ATAD3C: variants seen among roughly 807,000 people sequenced by gnomAD.
ATAD3C encodes the protein ATPase family AAA domain containing 3C.
In ATAD3C, 38 loss-of-function variants were observed where a neutral mutation model predicts 46.3. The observed-to-expected ratio is 0.82, with a 90% confidence interval of 0.63 to 1.08. The LOEUF (loss-of-function observed/expected upper bound fraction) is 1.08. Ranked by LOEUF, ATAD3C falls within the 50% of genes least tolerant of loss-of-function variation. The pLI is 0.00. For synonymous variants in ATAD3C, 220 were observed against 236.4 expected, an observed-to-expected ratio of 0.93 and a Z score of 0.63; for missense variants, 563 against 572.7, an observed-to-expected ratio of 0.98 and a Z score of 0.17.
intron 11 of ATAD3C, among the ~76,000 whole-genome samples, chr1:1,467,612 C>T (rs1474559397): frequency 6.6e-6 from 1 of 152,050 alleles, no homozygotes; most frequent in Non-Finnish European, 1.5e-5. Flanking sequence ...GGAGGCATAG[C>T]TGGGATGGGG....
Position 1,469,041 on chromosome 1 carries a change from C to T in ATAD3C, c.*511C>T, listed in dbSNP as rs1192501026. ...CTCAGCGAGGCCAAGGAGAGTGGATCACCTGAGGTCGGGAGTTCCAGACCA... is the reference window on the plus strand; with the variant it reads ...CTCAGCGAGGCCAAGGAGAGTGGATTACCTGAGGTCGGGAGTTCCAGACCA... On this transcript the variant is annotated 3_prime_UTR_variant, in exon 12 of 12. Transcript: ENST00000378785. The T allele has an allele frequency of 3.0e-5, 4 of 131,864 alleles. No homozygotes were observed. The highest frequency in any genetic ancestry group is 1.1e-4 in the African/African-American group (4 of 35,080). The allele number at this position is 131,864 out of a possible 1,614,324, so 8.2% of individuals were successfully genotyped here.
rs139906185 is a variant in ATAD3C, at chr1:1,466,094, T to G, written c.1090-2290T>G. On this transcript the variant is annotated intron_variant, in intron 11 of 11. Coordinates refer to ENST00000378785, the MANE Select transcript of ATAD3C (RefSeq NM_001039211.3). ...CCCGACTCTACTAAAAATACAAAATTAGTTGGGCGTGGTGGTGCATACCCA... is the reference window on the plus strand; with the variant it reads ...CCCGACTCTACTAAAAATACAAAATGAGTTGGGCGTGGTGGTGCATACCCA... 2.5e-3 allele frequency among the ~76,000 whole-genome samples: 374 copies of G among 151,284 alleles called. 4 individuals are homozygous for G. Among genetic ancestry groups the G allele is most frequent in the African/African-American group, 8.6e-3 (355 of 41,156 alleles).
chr1:1,465,917 G>A (rs1639135889), intron 11 of ATAD3C, among the ~76,000 whole-genome samples: 1 of 151,936 alleles, frequency 6.6e-6, no homozygotes, highest in African/African-American at 2.4e-5. Context: ...CACTGAGTAT[G>A]TCACCTGTGG....
At chr1:1,454,583 C>T in intron 4 of ATAD3C, 83 bp downstream of exon 4, 3 of 1,499,712 alleles carry the variant, frequency 2.0e-6, no homozygotes, top group Non-Finnish European at 2.7e-6. Context: ...CACGCATATA[C>T]TCCTGTCCCT....
At chr1:1,455,563 C>T (rs776152139) in intron 5 of ATAD3C, 44 bp downstream of exon 5, 2 of 1,611,192 alleles carry the variant, frequency 1.2e-6, no homozygotes, top group South Asian at 1.1e-5. Context: ...GGGAGGGGAC[C>T]CCGGAGCTGG....
At position 1,450,340 on chromosome 1, in the gene ATAD3C, AAG is replaced by A; in HGVS notation, c.-343_-342del. 2 of 230,062 alleles carry A rather than the reference AAG, an allele frequency of 8.7e-6. No homozygotes were observed. Among genetic ancestry groups the A allele is most frequent in the Admixed American group, 5.3e-5 (1 of 18,866 alleles). The allele number at this position is 230,062 out of a possible 1,614,324, so 14.3% of individuals were successfully genotyped here. On this transcript the variant is annotated 5_prime_UTR_variant, in exon 1 of 12. An upstream open reading frame in the 5' UTR loses its in-frame stop. Coordinates refer to ENST00000378785, the MANE Select transcript of ATAD3C (RefSeq NM_001039211.3). ...TCCGTCTCAAAAAAAAAAAAAAAAA[AAG>A]CATGTGTAACGTGAAAAAATGGACA...
chr1:1,457,081 T>C, intron 7 of ATAD3C, 48 bp from the exon 8 acceptor site: 1 of 1,611,010 alleles, frequency 6.2e-7, no homozygotes, highest in Non-Finnish European at 8.5e-7. Flanking sequence ...CGCTGTGGGC[T>C]GCTCCTGGCA....
intron 10 of ATAD3C, among the ~76,000 whole-genome samples, chr1:1,461,158 G>T (rs1041046392): frequency 1.3e-5 from 2 of 151,876 alleles, no homozygotes; most frequent in African/African-American, 4.8e-5. Context: ...TTCTGGTTTG[G>T]AGGCACAGTC....
intron 5 of ATAD3C, 65 bp downstream of exon 5, chr1:1,455,584 G>T: frequency 6.2e-7 from 1 of 1,606,526 alleles, no homozygotes; most frequent in Non-Finnish European, 8.5e-7. Flanking sequence ...GCTGGGCTGT[G>T]GCCCTTGCTG....
In ATAD3C at chr1:1,462,626, A is replaced by G; in HGVS notation, c.1007A>G (p.Tyr336Cys). ...KRRLKLAQFD[Y>C]GRKCLEIARL... ...CGTCTGAAGCTGGCCCAGTTTGACT[A>G]CGGGAGGAAGTGCTTAGAGATCGCT... Residue 336 changes from tyrosine (Y) to cysteine (C), a missense_variant, in exon 11 of 12, where the codon TAC becomes TGC. Physicochemically the swap from Tyr to Cys is radical, Grantham distance 194. Transcript: ENST00000378785. This position sits in a 1 kb window ranked among gnomAD's most constrained non-coding sequence, Gnocchi z 4.5. 1 of 1,604,024 alleles carries G rather than the reference A, an allele frequency of 6.2e-7. No homozygotes were observed. Among genetic ancestry groups the G allele is most frequent in the Non-Finnish European group, 8.5e-7 (1 of 1,175,874 alleles).
Position 1,457,129 on chromosome 1 carries a change from C to A in ATAD3C, c.690C>A (p.Gly230=). ...LFDWANTSRR[G]LLLFVDEADA... ...AGCTTGGCCTCCCTCTCGTCCACAG[C>A]CTCCTGCTCTTTGTGGATGAAGCGG... Residue 230 remains glycine (G), a splice_region_variant and synonymous_variant, in exon 8 of 12, where the codon GGC becomes GGA. Coordinates refer to ENST00000378785, the MANE Select transcript of ATAD3C (RefSeq NM_001039211.3). 6.2e-7 allele frequency: 1 copy of A among 1,613,548 alleles called. No homozygotes were observed. The highest frequency in any genetic ancestry group is 8.5e-7 in the Non-Finnish European group (1 of 1,179,638).
intron 9 of ATAD3C, 88 bp from the exon 10 acceptor site, chr1:1,460,662 C>A: frequency 7.0e-7 from 1 of 1,438,268 alleles, no homozygotes; most frequent in South Asian, 1.5e-5. Context: ...CCCAGAAAGT[C>A]TTCCTGAGGG....
At chr1:1,457,236 T>C (rs894009469) in intron 8 of ATAD3C, 56 bp downstream of exon 8, 9 of 1,610,232 alleles carry the variant, frequency 5.6e-6, no homozygotes, top group Non-Finnish European at 7.6e-6. Context: ...TGTGTGCGGC[T>C]GTCATCCTGG....
At chr1:1,451,447 A>T (rs1301279462) in intron 1 of ATAD3C, among the ~76,000 whole-genome samples, 1 of 149,944 alleles carries the variant, frequency 6.7e-6, no homozygotes, top group Non-Finnish European at 1.5e-5. Context: ...CCTGGGTTCA[A>T]GCCATTCTCC....
intron 1 of ATAD3C, among the ~76,000 whole-genome samples, chr1:1,451,325 C>T (rs912704830): frequency 1.1e-4 from 17 of 150,792 alleles, no homozygotes; most frequent in African/African-American, 3.9e-4. Flanking sequence ...CGTGAGCCAC[C>T]GCGTCCAGCT....
At chr1:1,456,130 C>T (rs563844116) in intron 6 of ATAD3C, 95 bp from the exon 7 acceptor site, 52 of 1,497,184 alleles carry the variant, frequency 3.5e-5, no homozygotes, top group African/African-American at 1.1e-4. Context: ...CAGGCAGGGA[C>T]GCTGGGCAGA....
chr1:1,467,687 G>A (rs996492008), intron 11 of ATAD3C, among the ~76,000 whole-genome samples: 4 of 152,112 alleles, frequency 2.6e-5, no homozygotes, highest in African/African-American at 9.7e-5. Context: ...GCGTCCTGGT[G>A]CGCTCTTGAG....
chr1:1,456,850 C>T (rs1392907040), intron 7 of ATAD3C, among the ~76,000 whole-genome samples: 1 of 151,806 alleles, frequency 6.6e-6, no homozygotes, highest in East Asian at 1.9e-4. Context: ...GCACCCTCCC[C>T]TCTGGCCTTT....
intron 3 of ATAD3C, among the ~76,000 whole-genome samples, chr1:1,453,007 C>G (rs971363961): frequency 2.0e-5 from 3 of 151,978 alleles, no homozygotes; most frequent in East Asian, 1.9e-4. Flanking sequence ...TCCGTCCCCC[C>G]ACCCCGCCCA....
Sources: gnomAD v4.1 joint callset for allele counts (sites outside exome capture counted in the v4.1 genomes callset) on GRCh38, gnomAD v4.1.1 for gene constraint, Gnocchi (gnomAD v3.1) non-coding constraint, MANE v1.5 for transcripts, NCBI Gene and HGNC (gene_info 2026-07-23, HGNC 2026-07-21) for gene names.